The following CEP152 variants were observed in gnomAD, a reference collection of about 807,000 sequenced individuals.
CEP152 encodes centrosomal protein 152.
Under a neutral mutation model 188.9 loss-of-function variants are expected in CEP152, and 132 were observed. The observed-to-expected ratio is 0.70, with a 90% CI of 0.61 to 0.81. The LOEUF is 0.81. Among genes scored for constraint, CEP152 ranks in the 30% least tolerant of loss-of-function variants. The pLI, the probability that CEP152 is intolerant of heterozygous loss-of-function variation, is 0.00. For synonymous variants in CEP152, 649 were observed against 666.6 expected, an observed-to-expected ratio of 0.97 and a Z score of 0.41; for missense variants, 1,914 against 1,969.8, an observed-to-expected ratio of 0.97 and a Z score of 0.54.
chr15:48,741,849 A>G (rs1566974381), intron 25 of CEP152, 98 bp downstream of exon 25: 2 of 1,611,522 alleles, frequency 1.2e-6, no homozygotes, highest in Admixed American at 3.3e-5. Flanking sequence ...ATGGCTGATC[A>G]TGTAGAAATA....
chr15:48,738,300 T>C lies in CEP152; in HGVS notation c.5082A>G (p.Leu1694=). Reference sequence around the variant, plus strand: ...CAAAGCCACTATCTTGTTGGCTAGATAGCGGAACAATTAATTTTCTTGAAG... The same window carrying C: ...CAAAGCCACTATCTTGTTGGCTAGACAGCGGAACAATTAATTTTCTTGAAG... ...QQPSRKLIVP[L]SSQQDSGFDS... The change falls in exon 27 of 27, where the codon CTA becomes CTG. Residue 1694 remains leucine, a synonymous_variant. Transcript: ENST00000380950. 6.2e-7 allele frequency: 1 copy of C among 1,614,082 alleles called. No homozygotes were observed. Among genetic ancestry groups the C allele is most frequent in the Non-Finnish European group, 8.5e-7 (1 of 1,179,934 alleles).
chr15:48,788,438 A>C (rs1237358778), intron 9 of CEP152, among the ~76,000 whole-genome samples: 1 of 148,418 alleles, frequency 6.7e-6, no homozygotes, highest in East Asian at 2.0e-4. Flanking sequence ...GGTTCAAGCA[A>C]TTCTCCTGCC....
In CEP152 at chr15:48,793,421, A is replaced by G. The variant is rs1433239611; in HGVS notation, c.732T>C (p.Leu244=). 1.2e-6 allele frequency: 2 copies of G among 1,613,720 alleles called. No homozygotes were observed. ...CCAGTTGTCTCTCTTTTGCTTTGTT[A>G]AGAACCTGAAGTTGAATAATCTGCA... ...ENMQIIQLQV[L]NKAKERQLEN... Residue 244 remains leucine (L), a synonymous_variant, in exon 7 of 27, where the codon CTT becomes CTC. Coordinates refer to ENST00000380950, the MANE Select transcript of CEP152 (RefSeq NM_001194998.2).
At chr15:48,783,900 A>C in intron 10 of CEP152, 73 bp downstream of exon 10, 35 of 1,471,496 alleles carry the variant, frequency 2.4e-5, no homozygotes, top group Non-Finnish European at 3.0e-5. Context: ...TTTACAAGTC[A>C]TGGATCCTAC....
At chr15:48,788,651 A>T in intron 9 of CEP152, 150 bp downstream of exon 9, 1 of 841,796 alleles carries the variant, frequency 1.2e-6, no homozygotes, top group Non-Finnish European at 2.0e-6. Flanking sequence ...AGCCAATATC[A>T]CTGGCTTTTA....
chr15:48,761,958 G>A (rs922158733), intron 18 of CEP152, among the ~76,000 whole-genome samples: 2 of 152,132 alleles, frequency 1.3e-5, no homozygotes. Flanking sequence ...TTAAGGGCAC[G>A]CCTGCAGATC....
Position 48,768,208 on chromosome 15 carries a change from A to G in CEP152, c.2018+11T>C, listed in dbSNP as rs747892639. 4 of 1,532,682 alleles carry G rather than the reference A, an allele frequency of 2.6e-6. No homozygotes were observed. Among genetic ancestry groups the G allele is most frequent in the Non-Finnish European group, 3.6e-6 (4 of 1,105,820 alleles). The allele number at this position is 1,532,682 out of a possible 1,614,324, so 94.9% of individuals were successfully genotyped here. On this transcript the variant is annotated intron_variant, in intron 15 of 26. Transcript: ENST00000380950. ...CAGGAGACAGTCGTCAGGCATCTAT[A>G]TAGACCTTACCTATCCACAGCTTCT...
At chr15:48,808,894 TTAAG>T (rs1182249918) in intron 1 of CEP152, among the ~76,000 whole-genome samples, 9 of 152,288 alleles carry the variant, frequency 5.9e-5, no homozygotes, top group Admixed American at 5.2e-4. Context: ...AAGATGCAGA[TTAAG>T]TATACAGTAT....
chr15:48,797,782 A>C, intron 3 of CEP152, 52 bp from the exon 4 acceptor site: 1 of 1,592,540 alleles, frequency 6.3e-7, no homozygotes, highest in Non-Finnish European at 8.6e-7. Context: ...ATTTGTACAT[A>C]GATAACACAA....
rs145390484 is a variant in CEP152, at chr15:48,777,308, G to A, written c.1577+3888C>T. ...TAGGGAAAAATGGGTGCAGCATATCGTATATAGGAACTCTGCGTAATACAA... is the reference window on the plus strand; with the variant it reads ...TAGGGAAAAATGGGTGCAGCATATCATATATAGGAACTCTGCGTAATACAA... On this transcript the variant is annotated intron_variant, in intron 12 of 26. Coordinates refer to ENST00000380950, the MANE Select transcript of CEP152 (RefSeq NM_001194998.2). Among the ~76,000 whole-genome samples the A allele has an allele frequency of 6.2e-3, 942 of 152,040 alleles. 10 individuals are homozygous for A. Among genetic ancestry groups the A allele is most frequent in the African/African-American group, 0.022 (907 of 41,484 alleles).
intron 21 of CEP152, among the ~76,000 whole-genome samples, chr15:48,751,667 G>A (rs1246216409): frequency 2.0e-5 from 3 of 152,160 alleles, no homozygotes; most frequent in Non-Finnish European, 4.4e-5. Context: ...GTGTGGGGAG[G>A]AAAGGAGTAG....
chr15:48,772,932 G>C (rs1364241643), intron 12 of CEP152, among the ~76,000 whole-genome samples: 2 of 152,160 alleles, frequency 1.3e-5, no homozygotes, highest in Admixed American at 6.5e-5. Context: ...GCTGCTCACT[G>C]TAAGTAGCTT....
chr15:48,767,363 C>T lies in CEP152; in HGVS notation c.2119G>A (p.Ala707Thr). Residue 707 changes from alanine to threonine, a missense_variant, in exon 16 of 27, where the codon GCT becomes ACT. Transcript: ENST00000380950. ...HALEKQQLFE[A>T]YERTHLQLRS... ...AGTTGCAAATGAGTTCTCTCATAAG[C>T]CTCAAAGAGCTGCTGCTTCTCCAAA... is the stretch of plus-strand genomic sequence containing the variant. The T allele has an allele frequency of 6.2e-7, 1 of 1,614,188 alleles. No individual in the cohort carries two copies. Among genetic ancestry groups the T allele is most frequent in the Non-Finnish European group, 8.5e-7 (1 of 1,180,018 alleles).
At chr15:48,740,943 A>G (rs1892924860) in intron 26 of CEP152, 1 of 790,122 alleles carries the variant, frequency 1.3e-6, no homozygotes, top group African/African-American at 1.9e-5. Context: ...TAATTACCCC[A>G]TTCATATCCC....
At chr15:48,776,383 G>C (rs1050190078) in intron 12 of CEP152, among the ~76,000 whole-genome samples, 1 of 152,016 alleles carries the variant, frequency 6.6e-6, no homozygotes, top group Non-Finnish European at 1.5e-5. Context: ...CTCAATACTG[G>C]CTAGGTTACC....
At position 48,762,602 on chromosome 15, in the gene CEP152, A is replaced by T; in HGVS notation, c.2351T>A (p.Met784Lys). 1 of 1,613,928 alleles carries T rather than the reference A, an allele frequency of 6.2e-7. No homozygotes were observed. Among genetic ancestry groups the T allele is most frequent in the Non-Finnish European group, 8.5e-7 (1 of 1,179,980 alleles). The change falls in exon 18 of 27, where the codon ATG becomes AAG. Residue 784 changes from methionine (M) to lysine (K), a missense_variant. Coordinates refer to ENST00000380950, the MANE Select transcript of CEP152 (RefSeq NM_001194998.2). Reference protein sequence around the residue: ...QSKLDQTIKAMKKKTLDCGSQ... With the variant: ...QSKLDQTIKAKKKKTLDCGSQ... ...GCCACAATCTAAGGTCTTCTTTTTC[A>T]TTGCCTTTATAGTTTGATCCAGCTT...
downstream of CEP152, among the ~76,000 whole-genome samples, chr15:48,735,749 T>A (rs545938088): frequency 2.0e-5 from 3 of 150,374 alleles, no homozygotes; most frequent in East Asian, 5.9e-4. Context: ...TAAATAAATT[T>A]TAAAAAAAAG....
At chr15:48,735,666 C>T (rs1387925955), downstream of CEP152, among the ~76,000 whole-genome samples, 5 of 152,022 alleles carry the variant, frequency 3.3e-5, no homozygotes, top group South Asian at 2.1e-4. Context: ...ACCCGGGAGA[C>T]GGAGGTTGCA....
At chr15:48,783,326 A>G (rs1257166402) in intron 10 of CEP152, 1 of 152,208 alleles carries the variant, frequency 6.6e-6, no homozygotes. Flanking sequence ...CATATTAGAA[A>G]TCTGAAGCAT....
Sources: gnomAD v4.1 joint callset for allele counts (sites outside exome capture counted in the v4.1 genomes callset) on GRCh38, gnomAD v4.1.1 for gene constraint, MANE v1.5 for transcripts, NCBI Gene and HGNC (gene_info 2026-07-23, HGNC 2026-07-21) for gene names.